Variants in ERBB4 observed in about 807,000 individuals in gnomAD.
ERBB4 encodes the protein receptor tyrosine-protein kinase erbB-4.
A neutral mutation model predicts 158.0 loss-of-function variants in ERBB4; 42 were observed. That is an observed-to-expected ratio of 0.27 (90% CI 0.21 to 0.34). ERBB4 has a LOEUF of 0.34. Among genes scored for constraint, ERBB4 ranks in the 10% least tolerant of loss-of-function variants. The probability of loss-of-function intolerance (pLI) is 1.00; values close to 1 mark genes in which losing one functional copy is unlikely to be tolerated. For synonymous variants in ERBB4, 583 were observed against 558.7 expected (o/e 1.04, Z -0.61); for missense variants, 1,333 against 1,624.1 (o/e 0.82, Z 3.08).
chr2:212,309,763 T>C (rs1223624303), intron 1 of ERBB4, among the ~76,000 whole-genome samples: 1 of 150,662 alleles, frequency 6.6e-6, no homozygotes, highest in Admixed American at 6.6e-5. Context: ...GGGTATTTTT[T>C]TTTTAAGCAA....
At chr2:212,046,424 AT>A in intron 2 of ERBB4, among the ~76,000 whole-genome samples, 1 of 152,296 alleles carries the variant, frequency 6.6e-6, no homozygotes, top group East Asian at 1.9e-4. Flanking sequence ...GTAAGGGAGT[AT>A]TTTGCTGTTT....
intron 1 of ERBB4, among the ~76,000 whole-genome samples, chr2:212,264,316 G>A (rs1228543859): frequency 6.6e-6 from 1 of 152,022 alleles, no homozygotes; most frequent in Non-Finnish European, 1.5e-5. Flanking sequence ...CTGGTGGAAG[G>A]CCAAGGAAAA....
chr2:211,962,227 C>T (rs72935738), intron 2 of ERBB4, among the ~76,000 whole-genome samples: 27,338 of 151,252 alleles, frequency 0.18, 3,221 homozygotes, highest in East Asian at 0.58. Flanking sequence ...TAAGAAAAGA[C>T]ATAAAAATGT....
At chr2:212,344,876 CTA>C (rs2088906454) in intron 1 of ERBB4, among the ~76,000 whole-genome samples, 1 of 152,094 alleles carries the variant, frequency 6.6e-6, no homozygotes, top group Admixed American at 6.5e-5. Context: ...TAATTAAACT[CTA>C]AGACTCTTTT....
intron 1 of ERBB4, among the ~76,000 whole-genome samples, chr2:212,447,311 C>A (rs1156234658): frequency 1.3e-5 from 2 of 151,980 alleles, no homozygotes; most frequent in African/African-American, 4.8e-5. Flanking sequence ...CCAAATTTTT[C>A]AAAAGGTGAA....
intron 1 of ERBB4, among the ~76,000 whole-genome samples, chr2:212,224,012 C>A (rs1255537173): frequency 6.6e-6 from 1 of 151,706 alleles, no homozygotes; most frequent in Non-Finnish European, 1.5e-5. Flanking sequence ...CAGTAGTATT[C>A]AAAATTTTAC....
At chr2:212,144,073 A>G (rs909899125) in intron 1 of ERBB4, among the ~76,000 whole-genome samples, 3 of 152,098 alleles carry the variant, frequency 2.0e-5, no homozygotes, top group African/African-American at 7.2e-5. Flanking sequence ...CTAGAAATAG[A>G]TCAGGAATAG....
rs1198262349 is a variant in ERBB4, at chr2:211,376,397, A to G, written c.*7218T>C. On this transcript the variant is annotated 3_prime_UTR_variant, in exon 28 of 28. Transcript: ENST00000342788. ...CAACTAGCCATGTCTTTAACAAGCT[A>G]TAAAAATACTATTCACATTTTCAAA... The G allele has an allele frequency of 4.3e-6, 1 of 232,876 alleles. No homozygotes were observed. The highest frequency in any genetic ancestry group is 8.5e-6 in the Non-Finnish European group (1 of 117,600). 14.4% of individuals were successfully genotyped at this position (232,876 alleles called of 1,614,324 possible).
intron 19 of ERBB4, among the ~76,000 whole-genome samples, chr2:211,567,795 T>C (rs547832291): frequency 6.6e-6 from 1 of 152,082 alleles, no homozygotes; most frequent in South Asian, 2.1e-4. Flanking sequence ...GCATTTTTTT[T>C]TTTTTTTCAT....
At chr2:211,729,913 C>G (rs930102436) in intron 5 of ERBB4, among the ~76,000 whole-genome samples, 3 of 151,706 alleles carry the variant, frequency 2.0e-5, no homozygotes, top group Admixed American at 6.6e-5. Context: ...GCGGTATGCA[C>G]TAAATGTGAT....
chr2:212,507,529 G>A (rs781129084), intron 1 of ERBB4, among the ~76,000 whole-genome samples: 7 of 152,054 alleles, frequency 4.6e-5, no homozygotes, highest in Non-Finnish European at 1.0e-4. Context: ...ATTCATTGGC[G>A]AAGGTTAAAA....
chr2:212,057,030 A>T (rs1481313731), intron 2 of ERBB4, among the ~76,000 whole-genome samples: 1 of 152,166 alleles, frequency 6.6e-6, no homozygotes, highest in Non-Finnish European at 1.5e-5. Context: ...CATTCAGGAG[A>T]CCCATCTCAC....
At chr2:211,964,029 T>C (rs1246244481) in intron 2 of ERBB4, among the ~76,000 whole-genome samples, 6 of 152,172 alleles carry the variant, frequency 3.9e-5, no homozygotes, top group Non-Finnish European at 5.9e-5. Flanking sequence ...TCTTTAGTTA[T>C]TGTATTCCCT....
At chr2:212,003,661 A>G (rs1222011827) in intron 2 of ERBB4, among the ~76,000 whole-genome samples, 8 of 152,210 alleles carry the variant, frequency 5.3e-5, no homozygotes. Flanking sequence ...ATTTTAAAAC[A>G]TGGAATATGA....
intron 4 of ERBB4, chr2:211,779,554 T>C (rs1016086855): frequency 2.6e-5 from 4 of 152,228 alleles, no homozygotes; most frequent in African/African-American, 9.6e-5. Flanking sequence ...TTACTCTGAT[T>C]ATCCTGATGC....
At chr2:211,908,548 A>G (rs115891916) in intron 3 of ERBB4, among the ~76,000 whole-genome samples, 2,751 of 151,868 alleles carry the variant, frequency 0.018, 69 homozygotes, top group Middle Eastern at 0.034. Context: ...TATATCGGTG[A>G]GTGTATACCA....
At chr2:212,336,731 C>T (rs1043214195) in intron 1 of ERBB4, among the ~76,000 whole-genome samples, 7 of 152,040 alleles carry the variant, frequency 4.6e-5, no homozygotes, top group Non-Finnish European at 8.8e-5. Flanking sequence ...ATTTGAATAA[C>T]AACATTTTAG....
intron 2 of ERBB4, among the ~76,000 whole-genome samples, chr2:212,093,713 C>T (rs1258428931): frequency 5.9e-5 from 9 of 152,048 alleles, no homozygotes; most frequent in African/African-American, 2.2e-4. Flanking sequence ...TATAATAATC[C>T]TGAGTTAATT....
chr2:212,209,799 C>G (rs1012524677), intron 1 of ERBB4, among the ~76,000 whole-genome samples: 1 of 152,088 alleles, frequency 6.6e-6, no homozygotes, highest in Non-Finnish European at 1.5e-5. Flanking sequence ...ACAGTGTTCT[C>G]TTTTAGAGAA....
Sources: gnomAD v4.1 joint callset for allele counts (sites outside exome capture counted in the v4.1 genomes callset) on GRCh38, gnomAD v4.1.1 for gene constraint, MANE v1.5 for transcripts, NCBI Gene and HGNC (gene_info 2026-07-23, HGNC 2026-07-21) for gene names.